Variants in NHS observed in about 807,000 individuals in gnomAD.
NHS encodes actin remodeling regulator NHS.
NHS carries 5 observed loss-of-function variants against 72.5 expected under a neutral mutation model. The ratio of observed to expected loss-of-function variants is 0.07; its 90% CI spans 0.04 to 0.14. NHS has a LOEUF of 0.14. NHS is among the 10% of genes least tolerant of loss of function. NHS has a pLI of 1.00. For missense variants in NHS, 1,072 were observed against 1,355.7 expected, an observed-to-expected ratio of 0.79 and a Z score of 3.29; for synonymous variants, 464 against 547.7, an observed-to-expected ratio of 0.85 and a Z score of 2.13.
intron 1 of NHS, among the ~76,000 whole-genome samples, chrX:17,592,925 T>A (rs1184544972): frequency 9.0e-6 from 1 of 111,442 alleles, no homozygotes; most frequent in Non-Finnish European, 1.9e-5. Flanking sequence ...CATGGTAAAG[T>A]TCTATCTACT....
intron 1 of NHS, among the ~76,000 whole-genome samples, chrX:17,468,456 AG>A (rs1356732760): frequency 9.2e-6 from 1 of 108,582 alleles, no homozygotes; most frequent in Non-Finnish European, 1.9e-5. Flanking sequence ...TTTCTTACTG[AG>A]AACACCAAAA....
intron 1 of NHS, among the ~76,000 whole-genome samples, chrX:17,389,088 G>C (rs1447414746): frequency 8.9e-6 from 1 of 111,861 alleles, no homozygotes; most frequent in Non-Finnish European, 1.9e-5. Context: ...TTAATCTGCT[G>C]TCTTGGAAAA....
chrX:17,691,751 C>T (rs1051941241), intron 2 of NHS, among the ~76,000 whole-genome samples: 2 of 112,218 alleles, frequency 1.8e-5, no homozygotes, highest in African/African-American at 6.5e-5. Context: ...AAATGTAATA[C>T]ATTCTAATTT....
chrX:17,400,945 A>C (rs891360117), intron 1 of NHS, among the ~76,000 whole-genome samples: 1 of 112,213 alleles, frequency 8.9e-6, no homozygotes, highest in African/African-American at 3.2e-5. Flanking sequence ...GTCTTGAAAA[A>C]GAAGGACAAA....
At chrX:17,532,043 A>G (rs1262178927) in intron 1 of NHS, among the ~76,000 whole-genome samples, 2 of 111,348 alleles carry the variant, frequency 1.8e-5, no homozygotes, top group Non-Finnish European at 3.8e-5. Context: ...AGGAGCTGGT[A>G]TCTAGAATGC....
intron 1 of NHS, among the ~76,000 whole-genome samples, chrX:17,510,691 G>C (rs1040077078): frequency 8.0e-5 from 9 of 112,077 alleles, no homozygotes; most frequent in African/African-American, 2.6e-4. Context: ...ATGAGGGATG[G>C]TTCTGTCTTT....
chrX:17,619,980 G>A (rs2147062327), intron 1 of NHS, among the ~76,000 whole-genome samples: 1 of 111,464 alleles, frequency 9.0e-6, no homozygotes, highest in South Asian at 3.8e-4. Flanking sequence ...TTGGCTCAGT[G>A]TTGTGTCCCC....
At chrX:17,542,783 C>G (rs2065271123) in intron 1 of NHS, among the ~76,000 whole-genome samples, 1 of 108,896 alleles carries the variant, frequency 9.2e-6, no homozygotes, top group Non-Finnish European at 1.9e-5. Context: ...TGGGTTCAAC[C>G]TCAAAATCCA....
intron 1 of NHS, among the ~76,000 whole-genome samples, chrX:17,532,788 G>A (rs1217312509): frequency 1.8e-5 from 2 of 111,675 alleles, no homozygotes; most frequent in Non-Finnish European, 3.8e-5. Context: ...AATGGCTTCC[G>A]CTTTGCACTA....
chrX:17,719,079 AAGG>A (rs761052637), intron 3 of NHS, among the ~76,000 whole-genome samples: 21 of 99,715 alleles, frequency 2.1e-4, no homozygotes, highest in South Asian at 5.6e-4. Flanking sequence ...GGGAGGAAGG[AAGG>A]AGGGAAGAAA....
chrX:17,665,948 G>A (rs1270222762), intron 1 of NHS, among the ~76,000 whole-genome samples: 1 of 112,004 alleles, frequency 8.9e-6, no homozygotes, highest in Non-Finnish European at 1.9e-5. Flanking sequence ...GCTAGAGTAG[G>A]CAGAAAAACC....
In NHS at chrX:17,376,241, C is replaced by A; in HGVS notation, c.484C>A (p.Arg162Ser). Reference sequence around the variant, plus strand: ...CGAGAGCGACATCCAGCTCACCCACCGCCGCGTCTGGGCGCTGCAGGGCAA... The same window carrying A: ...CGAGAGCGACATCCAGCTCACCCACAGCCGCGTCTGGGCGCTGCAGGGCAA... The part of the protein sequence containing the change: ...ELESDIQLTH[R>S]RVWALQGKLG... Residue 162 changes from arginine to serine, a missense_variant, in exon 1 of 9, where the codon CGC (arginine) becomes AGC (serine). Transcript: ENST00000676302. 8.5e-7 allele frequency: 1 copy of A among 1,178,463 alleles called. No homozygotes were observed. The highest frequency in any genetic ancestry group is 1.1e-6 in the Non-Finnish European group (1 of 884,119).
chrX:17,636,764 CTT>C (rs2065850405), intron 1 of NHS, among the ~76,000 whole-genome samples: 1 of 112,118 alleles, frequency 8.9e-6, no homozygotes, highest in Non-Finnish European at 1.9e-5. Context: ...TTGTGTGCAG[CTT>C]TGTTACTTAA....
intron 1 of NHS, among the ~76,000 whole-genome samples, chrX:17,443,283 T>C (rs1283904985): frequency 8.9e-6 from 1 of 112,541 alleles, no homozygotes; most frequent in African/African-American, 3.2e-5. Context: ...TGTGGTATTC[T>C]ACCATGTCTT....
intron 1 of NHS, among the ~76,000 whole-genome samples, chrX:17,464,119 G>T (rs1246585175): frequency 8.9e-6 from 1 of 112,130 alleles, no homozygotes; most frequent in East Asian, 2.8e-4. Context: ...GACCTGCCTT[G>T]GGGGAGAGGA....
At chrX:17,378,402 A>T (rs2064357598) in intron 1 of NHS, among the ~76,000 whole-genome samples, 1 of 112,082 alleles carries the variant, frequency 8.9e-6, no homozygotes, top group Non-Finnish European at 1.9e-5. Context: ...ATTTTCTAAA[A>T]TGCTATCTCC....
In NHS at chrX:17,692,526, C is replaced by T; in HGVS notation, c.852+58C>T. ...TGCTGCTGAGGAAACATCAGTTTGT[C>T]TGGGAGTCAGTTTCCTGCCTCCCAG... On this transcript the variant is annotated intron_variant, in intron 3 of 8. Transcript: ENST00000676302. The T allele has an allele frequency of 1.2e-5, 14 of 1,199,048 alleles. No homozygotes were observed. The South Asian group carries it at 2.1e-4, about 18-fold the overall frequency.
chrX:17,608,671 CT>C (rs774714519), intron 1 of NHS, among the ~76,000 whole-genome samples: 326 of 99,542 alleles, frequency 3.3e-3, no homozygotes, highest in Admixed American at 4.0e-3. Context: ...AATGAAAAGA[CT>C]TTTTTTTTTT....
At chrX:17,548,919 T>C (rs1428011921) in intron 1 of NHS, among the ~76,000 whole-genome samples, 1 of 110,837 alleles carries the variant, frequency 9.0e-6, no homozygotes, top group Admixed American at 9.5e-5. Context: ...TGCATAATGA[T>C]TCCTGAAGTA....
Sources: allele counts gnomAD v4.1 joint callset (sites outside exome capture counted in the v4.1 genomes callset), GRCh38; gene constraint gnomAD v4.1.1; transcripts MANE v1.5; gene names NCBI Gene and HGNC (gene_info 2026-07-23, HGNC 2026-07-21).